Variants in NHSL3 observed in about 807,000 individuals in gnomAD.
NHSL3 encodes the protein NHS like 3, also known as NHS-like protein 3.
chr1:32,769,692 T>C, the NHSL3 span: 1 of 1,613,640 alleles, frequency 6.2e-7, no homozygotes, highest in Non-Finnish European at 8.5e-7. Flanking sequence ...TCCGACCCCA[T>C]GACTCATTTC....
the NHSL3 span, chr1:32,768,165 C>T: frequency 7.1e-6 from 9 of 1,268,684 alleles, no homozygotes; most frequent in South Asian, 1.1e-4. Flanking sequence ...ACCTGCTTGA[C>T]CCCTGGCAAG....
At chr1:32,756,965 A>G in the NHSL3 span, among the ~76,000 whole-genome samples, 2 of 152,228 alleles carry the variant, frequency 1.3e-5, no homozygotes, top group South Asian at 2.1e-4. Context: ...ACTCGACTCC[A>G]TTTCAAAAAC....
chr1:32,772,487 A>T, the NHSL3 span: 1 of 1,504,402 alleles, frequency 6.6e-7, no homozygotes, highest in South Asian at 1.4e-5. Context: ...TGATGATGGG[A>T]AGTAGGAATC....
At chr1:32,761,171 A>T in the NHSL3 span, among the ~76,000 whole-genome samples, 1 of 152,138 alleles carries the variant, frequency 6.6e-6, no homozygotes, top group African/African-American at 2.4e-5. Flanking sequence ...CAGGGGCAGA[A>T]ATCCCTGGAA....
chr1:32,760,111 G>A, the NHSL3 span, among the ~76,000 whole-genome samples: 7 of 152,250 alleles, frequency 4.6e-5, no homozygotes, highest in East Asian at 5.8e-4. Context: ...GAGGGGTTGA[G>A]GCTAAGGGCC....
At chr1:32,767,723 G>T in the NHSL3 span, 2 of 1,443,564 alleles carry the variant, frequency 1.4e-6, no homozygotes, top group Non-Finnish European at 9.4e-7. Context: ...CTTGCCGTGA[G>T]ACCTGTGCCC....
At chr1:32,765,452 G>T in the NHSL3 span, among the ~76,000 whole-genome samples, 8 of 152,244 alleles carry the variant, frequency 5.3e-5, no homozygotes, top group African/African-American at 1.9e-4. Context: ...GTGATCTGCT[G>T]CTGGATTGAG....
At chr1:32,767,755 A>T in the NHSL3 span, 9 of 1,575,310 alleles carry the variant, frequency 5.7e-6, no homozygotes, top group Middle Eastern at 3.4e-4. Context: ...AGATGCCTTT[A>T]CCTCATTTCC....
At chr1:32,769,655 C>G in the NHSL3 span, 1 of 1,594,092 alleles carries the variant, frequency 6.3e-7, no homozygotes. Context: ...CAGTTTTTCT[C>G]CCACGACTGG....
the NHSL3 span, chr1:32,773,094 G>A: frequency 1.7e-6 from 1 of 601,868 alleles, no homozygotes; most frequent in Non-Finnish European, 3.0e-6. Flanking sequence ...TTTCCCGAAT[G>A]GGTTCACCTC....
At chr1:32,771,538 T>A in the NHSL3 span, 1 of 1,593,622 alleles carries the variant, frequency 6.3e-7, no homozygotes, top group Non-Finnish European at 8.6e-7. Context: ...CATGGCTGAC[T>A]TCCCCCCACC....
chr1:32,765,444 G>T, the NHSL3 span, among the ~76,000 whole-genome samples: 1 of 152,226 alleles, frequency 6.6e-6, no homozygotes, highest in East Asian at 1.9e-4. Context: ...CAGGGTGAGT[G>T]ATCTGCTGCT....
chr1:32,742,250 T>C, the NHSL3 span: 1 of 1,231,650 alleles, frequency 8.1e-7, no homozygotes, highest in Non-Finnish European at 1.0e-6. Context: ...CCGAGGGGGC[T>C]CTGCCGGGGG....
chr1:32,742,539 A>G, the NHSL3 span, among the ~76,000 whole-genome samples: 1 of 152,226 alleles, frequency 6.6e-6, no homozygotes, highest in Non-Finnish European at 1.5e-5. Flanking sequence ...TCAGAGACTT[A>G]ACGCTGGCCT....
At chr1:32,757,850 C>A in the NHSL3 span, among the ~76,000 whole-genome samples, 46 of 152,036 alleles carry the variant, frequency 3.0e-4, no homozygotes, top group Non-Finnish European at 1.5e-4. Flanking sequence ...AGGGTGTCAT[C>A]TTATGACACC....
At chr1:32,765,680 A>G in the NHSL3 span, 2 of 1,537,974 alleles carry the variant, frequency 1.3e-6, no homozygotes, top group Admixed American at 3.9e-5. Context: ...TCGCATCCCC[A>G]TAGTGCTGGG....
At chr1:32,764,128 TG>T in the NHSL3 span, among the ~76,000 whole-genome samples, 1 of 152,166 alleles carries the variant, frequency 6.6e-6, no homozygotes, top group Admixed American at 6.5e-5. Context: ...CCCATAGTGC[TG>T]GGATTACAGG....
the NHSL3 span, chr1:32,765,614 G>A: frequency 1.3e-6 from 2 of 1,516,564 alleles, no homozygotes; most frequent in Non-Finnish European, 1.8e-6. Context: ...GACATGGAGA[G>A]CAGCCCCTCC....
chr1:32,766,355 G>T, the NHSL3 span, among the ~76,000 whole-genome samples: 1 of 152,126 alleles, frequency 6.6e-6, no homozygotes. Flanking sequence ...GAGTTTATTG[G>T]ACTTTTGAGG....
Sources: allele counts gnomAD v4.1 joint callset (sites outside exome capture counted in the v4.1 genomes callset), GRCh38; gene constraint gnomAD v4.1.1; transcripts MANE v1.5; gene names NCBI Gene and HGNC (gene_info 2026-07-23, HGNC 2026-07-21).